The following ELMO1 variants were observed in gnomAD, a reference collection of about 807,000 sequenced individuals.
ELMO1 encodes the protein engulfment and cell motility 1.
In ELMO1, 26 loss-of-function variants were observed where a neutral mutation model predicts 98.9. The observed-to-expected ratio is 0.26, with a 90% confidence interval of 0.19 to 0.36. The LOEUF (loss-of-function observed/expected upper bound fraction) is 0.36. Ranked by LOEUF, ELMO1 falls within the 10% of genes least tolerant of loss-of-function variation. The pLI is 1.00. For missense variants in ELMO1, 627 were observed against 935.2 expected (o/e 0.67, Z 4.30); for synonymous variants, 346 against 346.0 (o/e 1.00, Z 0.00).
At chr7:37,290,470 A>C (rs1188223422) in intron 4 of ELMO1, among the ~76,000 whole-genome samples, 1 of 152,232 alleles carries the variant, frequency 6.6e-6, no homozygotes. Context: ...AAATTAATTA[A>C]GCTCAACAGA....
chr7:37,034,834 C>T (rs890208980), intron 15 of ELMO1, among the ~76,000 whole-genome samples: 2 of 152,134 alleles, frequency 1.3e-5, no homozygotes, highest in Admixed American at 1.3e-4. Context: ...TTCCTGACTT[C>T]AGGGACAAAT....
chr7:37,048,651 T>A (rs1336367217), intron 15 of ELMO1, among the ~76,000 whole-genome samples: 6 of 152,252 alleles, frequency 3.9e-5, no homozygotes, highest in Non-Finnish European at 5.9e-5. Flanking sequence ...TATTTGAGCG[T>A]TCTCATGGAA....
intron 15 of ELMO1, among the ~76,000 whole-genome samples, chr7:37,079,458 T>C (rs1052494294): frequency 5.3e-5 from 8 of 152,190 alleles, no homozygotes; most frequent in African/African-American, 1.9e-4. Context: ...GTGTAAATGT[T>C]TCTAAAAGCC....
intron 15 of ELMO1, among the ~76,000 whole-genome samples, chr7:37,036,740 T>C (rs1287625808): frequency 6.6e-6 from 1 of 152,136 alleles, no homozygotes; most frequent in Non-Finnish European, 1.5e-5. Flanking sequence ...AGTCCACCAA[T>C]GGGGGCCACA....
chr7:37,329,792 A>C (rs986471961), intron 2 of ELMO1, among the ~76,000 whole-genome samples: 1 of 152,144 alleles, frequency 6.6e-6, no homozygotes, highest in Non-Finnish European at 1.5e-5. Flanking sequence ...CCACACACAT[A>C]ATCAATCATC....
chr7:36,985,157 C>G, intron 16 of ELMO1: 1 of 964,336 alleles, frequency 1.0e-6, no homozygotes, highest in Non-Finnish European at 1.2e-6. Context: ...CCCCAGGGAG[C>G]AGAGCAATAG....
chr7:37,220,617 G>C (rs758518845), intron 10 of ELMO1, among the ~76,000 whole-genome samples: 3 of 152,140 alleles, frequency 2.0e-5, no homozygotes, highest in Non-Finnish European at 4.4e-5. Context: ...TCAATGTCCT[G>C]AAGTTAGTAC....
chr7:36,938,320 G>C (rs1317206567), intron 16 of ELMO1, among the ~76,000 whole-genome samples: 1 of 152,236 alleles, frequency 6.6e-6, no homozygotes, highest in Admixed American at 6.5e-5. Context: ...AAAACAAGTT[G>C]CTGAAACCAA....
At chr7:36,973,765 C>A (rs569545853) in intron 16 of ELMO1, among the ~76,000 whole-genome samples, 1 of 152,138 alleles carries the variant, frequency 6.6e-6, no homozygotes, top group Non-Finnish European at 1.5e-5. Flanking sequence ...GAGCGGGAAC[C>A]GGGGCTGCGC....
chr7:37,348,423 G>A (rs538822411), intron 1 of ELMO1, among the ~76,000 whole-genome samples: 30 of 152,004 alleles, frequency 2.0e-4, no homozygotes, highest in Admixed American at 3.9e-4. Flanking sequence ...ATGCTATACC[G>A]TTCCTGCTTG....
chr7:36,912,729 C>T (rs1014500946), intron 16 of ELMO1, among the ~76,000 whole-genome samples: 2 of 152,090 alleles, frequency 1.3e-5, no homozygotes, highest in Non-Finnish European at 2.9e-5. Context: ...AGTATTGGAA[C>T]AAAGATTTCT....
intron 13 of ELMO1, among the ~76,000 whole-genome samples, chr7:37,193,675 G>A (rs1346160274): frequency 2.6e-5 from 4 of 152,176 alleles, no homozygotes; most frequent in Non-Finnish European, 5.9e-5. Flanking sequence ...GGCGAAAATA[G>A]GACTGCACCA....
At chr7:36,984,840 G>T in intron 16 of ELMO1, 1 of 917,816 alleles carries the variant, frequency 1.1e-6, no homozygotes, top group Non-Finnish European at 1.3e-6. Flanking sequence ...AGACAATCAG[G>T]GGAAAAGATC....
chr7:37,280,371 G>C (rs1797070938), intron 4 of ELMO1, among the ~76,000 whole-genome samples: 1 of 152,146 alleles, frequency 6.6e-6, no homozygotes, highest in South Asian at 2.1e-4. Context: ...TTAAACTAAA[G>C]AGCTTTTGCA....
intron 13 of ELMO1, 64 bp from the exon 14 acceptor site, chr7:37,133,298 T>C (rs1787049956): frequency 7.7e-7 from 1 of 1,296,572 alleles, no homozygotes; most frequent in Non-Finnish European, 1.1e-6. Flanking sequence ...CCACCAGAGA[T>C]CTGATTTCCC....
intron 16 of ELMO1, among the ~76,000 whole-genome samples, chr7:36,934,275 C>G (rs79759587): frequency 3.0e-3 from 457 of 152,334 alleles, no homozygotes; most frequent in African/African-American, 0.01. Flanking sequence ...GCTGCTGCAA[C>G]GCTTTCTTAA....
chr7:37,267,038 TACACACACACACACACACACACACACAC>T (rs60344761), intron 5 of ELMO1, among the ~76,000 whole-genome samples: 1 of 100,356 alleles, frequency 1.0e-5, no homozygotes, highest in Non-Finnish European at 2.0e-5. Flanking sequence ...TATGTATATA[TACACACACACACACACACACACACACAC>T]ACACACACAC....
intron 15 of ELMO1, among the ~76,000 whole-genome samples, chr7:37,086,330 C>CTGTG (rs58906590): frequency 0.049 from 7,018 of 143,112 alleles, 170 homozygotes; most frequent in African/African-American, 0.066. Context: ...CAATACATGA[C>CTGTG]TGTGTGTGTG....
At chr7:37,388,177 CAG>C (rs1296025124) in intron 1 of ELMO1, among the ~76,000 whole-genome samples, 2 of 152,114 alleles carry the variant, frequency 1.3e-5, no homozygotes, top group African/African-American at 4.8e-5. Flanking sequence ...CCTTAAAAGT[CAG>C]AGTGTGAAAT....
Sources: gnomAD v4.1 joint callset for allele counts (sites outside exome capture counted in the v4.1 genomes callset) on GRCh38, gnomAD v4.1.1 for gene constraint, MANE v1.5 for transcripts, NCBI Gene and HGNC (gene_info 2026-07-23, HGNC 2026-07-21) for gene names.